Variants in HPS5 observed in about 807,000 individuals in gnomAD.
HPS5 encodes the protein BLOC-2 complex member HPS5.
Under a neutral mutation model 128.0 loss-of-function variants are expected in HPS5, and 83 were observed. The observed-to-expected ratio is 0.65, with a 90% confidence interval of 0.54 to 0.78. The LOEUF (loss-of-function observed/expected upper bound fraction) is 0.78, where lower values mean the gene tolerates loss of function less well. HPS5 is among the 30% of genes least tolerant of loss of function. The probability of loss-of-function intolerance (pLI) is 0.00; values close to 1 mark genes in which losing one functional copy is unlikely to be tolerated. For missense variants in HPS5, 1,281 were observed against 1,326.2 expected (o/e 0.97, Z 0.53); for synonymous variants, 475 against 470.2 (o/e 1.01, Z -0.13).
At chr11:18,313,038 C>G (rs1250056361) in intron 2 of HPS5, among the ~76,000 whole-genome samples, 1 of 152,142 alleles carries the variant, frequency 6.6e-6, no homozygotes, top group Non-Finnish European at 1.5e-5. Context: ...TTTCCCTTTC[C>G]TCAGATGCTA....
chr11:18,306,537 C>T (rs902116089), intron 6 of HPS5, among the ~76,000 whole-genome samples, 190 bp from the exon 7 acceptor site: 1 of 152,138 alleles, frequency 6.6e-6, no homozygotes, highest in African/African-American at 2.4e-5. Context: ...TTGCCATTAG[C>T]TATTTCTATG....
chr11:18,288,058 G>A (rs771469613), intron 16 of HPS5, 45 bp from the exon 17 acceptor site: 13 of 1,604,468 alleles, frequency 8.1e-6, no homozygotes, highest in East Asian at 2.2e-5. Flanking sequence ...TCTCTTAGGC[G>A]GAAATATTCA....
chr11:18,305,875 A>G (rs1440572228), intron 7 of HPS5, among the ~76,000 whole-genome samples: 1 of 152,052 alleles, frequency 6.6e-6, no homozygotes, highest in African/African-American at 2.4e-5. Context: ...GACTACAGGC[A>G]TGCGCCACCA....
intron 14 of HPS5, 137 bp from the exon 15 acceptor site, chr11:18,293,113 C>T (rs545828482): frequency 5.5e-6 from 4 of 728,954 alleles, no homozygotes; most frequent in East Asian, 2.6e-5. Context: ...CCTCCGCCTC[C>T]CGGGTTCAAG....
intron 18 of HPS5, 141 bp from the exon 19 acceptor site, chr11:18,286,851 C>A (rs1388823540): frequency 9.1e-7 from 1 of 1,099,400 alleles, no homozygotes; most frequent in South Asian, 1.4e-5. Flanking sequence ...TACAAAATGT[C>A]TAGAAATGCT....
intron 2 of HPS5, among the ~76,000 whole-genome samples, chr11:18,313,580 C>T (rs1395822789): frequency 6.6e-6 from 1 of 151,760 alleles, no homozygotes; most frequent in Non-Finnish European, 1.5e-5. Flanking sequence ...CCAGCCTGGG[C>T]AACAGAATAA....
chr11:18,280,941 AG>A (rs35684891), intron 22 of HPS5, among the ~76,000 whole-genome samples: 63,072 of 151,980 alleles, frequency 0.42, 14,113 homozygotes, highest in Non-Finnish European at 0.51. Context: ...AAAATGAAAA[AG>A]TTCTAGAGAC....
At chr11:18,288,779 G>A (rs891994216) in intron 16 of HPS5, among the ~76,000 whole-genome samples, 3 of 150,800 alleles carry the variant, frequency 2.0e-5, no homozygotes, top group Non-Finnish European at 4.4e-5. Context: ...GTCTTCCTAC[G>A]TTGCCTAGCT....
intron 22 of HPS5, among the ~76,000 whole-genome samples, chr11:18,281,391 G>C (rs1247889922): frequency 6.6e-6 from 1 of 151,616 alleles, no homozygotes; most frequent in Non-Finnish European, 1.5e-5. Flanking sequence ...ACCGTACCCA[G>C]CCAGGTACCA....
chr11:18,285,902 T>G (rs1035014327), intron 19 of HPS5, among the ~76,000 whole-genome samples: 15 of 152,342 alleles, frequency 9.8e-5, no homozygotes, highest in African/African-American at 3.6e-4. Flanking sequence ...AAAAATTCCT[T>G]GACACATTTT....
In HPS5 at chr11:18,298,928, A is replaced by G. The variant is rs559876350; in HGVS notation, c.1028T>C (p.Leu343Ser). 1.2e-6 allele frequency: 2 copies of G among 1,614,254 alleles called. No homozygotes were observed. The highest frequency in any genetic ancestry group is 2.2e-5 in the East Asian group (1 of 44,890). ...ATGTGAGACTTTCCCATTTAGGTGCAAACAGAACAATTCATTCCTACAGAC... is the reference window on the plus strand; with the variant it reads ...ATGTGAGACTTTCCCATTTAGGTGCGAACAGAACAATTCATTCCTACAGAC... ...VAVCRNELFC[L>S]HLNGKVSHLS... The change falls in exon 10 of 23, where the codon TTG becomes TCG. Residue 343 changes from leucine to serine, a missense_variant. Leu to Ser is a moderately radical substitution (Grantham distance 145, BLOSUM62 -2). Coordinates refer to ENST00000349215, the MANE Select transcript of HPS5 (RefSeq NM_181507.2).
At chr11:18,284,362 A>G (rs1859414751) in intron 20 of HPS5, among the ~76,000 whole-genome samples, 1 of 152,186 alleles carries the variant, frequency 6.6e-6, no homozygotes, top group African/African-American at 2.4e-5. Flanking sequence ...ATCCAGTATC[A>G]GCATGTCCCA....
Position 18,306,293 on chromosome 11 carries a change from A to G in HPS5, c.666T>C (p.Cys222=). Residue 222 remains cysteine, a synonymous_variant, in exon 7 of 23, where the codon TGT becomes TGC. Coordinates refer to ENST00000349215, the MANE Select transcript of HPS5 (RefSeq NM_181507.2). ...NKERDGEYGA[C]FFPGRCSGGQ... is the part of the protein sequence containing the mutation. Reference sequence around the variant, plus strand: ...CCCCAGAACATCTTCCAGGAAAGAAACAAGCTCCATATTCTCCATCTCTTT... The same window carrying G: ...CCCCAGAACATCTTCCAGGAAAGAAGCAAGCTCCATATTCTCCATCTCTTT... The G allele has an allele frequency of 6.2e-7, 1 of 1,614,198 alleles. No homozygotes were observed. Among genetic ancestry groups the G allele is most frequent in the African/African-American group, 1.3e-5 (1 of 75,050 alleles).
chr11:18,287,637 G>A lies in HPS5; in HGVS notation c.2615C>T (p.Pro872Leu), dbSNP rs751766551. The change falls in exon 18 of 23, where the codon CCA becomes CTA. Residue 872 changes from proline to leucine, a missense_variant. Physicochemically the swap from Pro to Leu is moderately conservative, Grantham distance 98. Coordinates refer to ENST00000349215, the MANE Select transcript of HPS5 (RefSeq NM_181507.2). ...TATGATATCCGATGGCAAAATGGATGGAAAGAACTTGATTAAGGATCGAAG... is the reference window on the plus strand; with the variant it reads ...TATGATATCCGATGGCAAAATGGATAGAAAGAACTTGATTAAGGATCGAAG... ...SALRSLIKFFPSILPSDIIQL... is the reference protein window; with the variant it reads ...SALRSLIKFFLSILPSDIIQL... 3.1e-6 allele frequency: 5 copies of A among 1,614,106 alleles called. No individual in the cohort carries two copies. The South Asian group carries it at 4.4e-5, about 14-fold the overall frequency.
At chr11:18,306,371 A>G in intron 6 of HPS5, 24 bp from the exon 7 acceptor site, 1 of 1,577,284 alleles carries the variant, frequency 6.3e-7, no homozygotes, top group African/African-American at 1.3e-5. Context: ...AGGAAGAGAA[A>G]GCAGATTTAC....
chr11:18,315,612 T>TA (rs544602661), intron 2 of HPS5, among the ~76,000 whole-genome samples: 3,132 of 141,176 alleles, frequency 0.022, 84 homozygotes, highest in African/African-American at 0.065. Flanking sequence ...AACTCTATCT[T>TA]AAAAAAAAAA....
At position 18,317,627 on chromosome 11, in the gene HPS5, A is replaced by G. The variant is rs978725894; in HGVS notation, c.108+124T>C. 9.2e-5 allele frequency: 83 copies of G among 903,794 alleles called. 1 individual carries two copies. The East Asian group carries it at 2.1e-3, about 23-fold the overall frequency. The allele number at this position is 903,794 out of a possible 1,614,324, so 56.0% of individuals were successfully genotyped here. A position where few individuals can be genotyped will look rare whatever the true frequency, so the allele number is the denominator to read the frequency against. On this transcript the variant is annotated intron_variant, in intron 2 of 22. Coordinates refer to ENST00000349215, the MANE Select transcript of HPS5 (RefSeq NM_181507.2). ...TATTTTCTTCTTTTTTTTCCCCCAC[A>G]AAAGTATGACTAGGACAGGTAAGAA...
In HPS5 at chr11:18,310,852, T is replaced by G. The variant is rs755352480; in HGVS notation, c.366A>C (p.Lys122Asn). The change falls in exon 5 of 23, where the codon AAA (lysine) becomes AAC (asparagine). Residue 122 changes from lysine (K) to asparagine (N), a missense_variant. By Grantham distance (94) the Lys-to-Asn change is moderately conservative. Transcript: ENST00000349215. ...AGCAGAGAGCTGTGACTCTTCGGCCTTTGTGTTCTGAAGACACATACATTT... is the reference window on the plus strand; with the variant it reads ...AGCAGAGAGCTGTGACTCTTCGGCCGTTGTGTTCTGAAGACACATACATTT... ...PEQMYVSSEH[K>N]GRRVTALCWD... 1 of 1,611,394 alleles carries G rather than the reference T, an allele frequency of 6.2e-7. No individual in the cohort carries two copies. Among genetic ancestry groups the G allele is most frequent in the South Asian group, 1.1e-5 (1 of 90,906 alleles).
At chr11:18,303,001 C>T (rs981779766) in intron 8 of HPS5, among the ~76,000 whole-genome samples, 19 of 152,218 alleles carry the variant, frequency 1.2e-4, no homozygotes, top group African/African-American at 3.4e-4. Context: ...TCCTTGTCCC[C>T]TTATCCCTTC....
Sources: gnomAD v4.1 joint callset for allele counts (sites outside exome capture counted in the v4.1 genomes callset) on GRCh38, gnomAD v4.1.1 for gene constraint, MANE v1.5 for transcripts, NCBI Gene and HGNC (gene_info 2026-07-23, HGNC 2026-07-21) for gene names.